CTNND2: variants seen among roughly 807,000 people sequenced by gnomAD.
The protein encoded by CTNND2 is catenin delta 2, also known as catenin delta-2.
In CTNND2, 22 loss-of-function variants were observed where a neutral mutation model predicts 144.4. The observed-to-expected ratio is 0.15, with a 90% CI of 0.11 to 0.22. The LOEUF is 0.22. Among genes scored for constraint, CTNND2 ranks in the 10% least tolerant of loss-of-function variants. The pLI is 1.00. For missense variants in CTNND2, 1,353 were observed against 1,618.8 expected (o/e 0.84, Z 2.82); for synonymous variants, 751 against 695.6 (o/e 1.08, Z -1.25).
intron 18 of CTNND2, among the ~76,000 whole-genome samples, chr5:10,993,966 A>G (rs1020447835): frequency 2.6e-5 from 4 of 152,000 alleles, no homozygotes; most frequent in African/African-American, 7.2e-5. Context: ...ACAAGTGCCA[A>G]TGTAAAGTGG....
At chr5:11,081,982 T>C (rs1026125607) in intron 16 of CTNND2, among the ~76,000 whole-genome samples, 2 of 152,256 alleles carry the variant, frequency 1.3e-5, no homozygotes, top group African/African-American at 2.4e-5. Flanking sequence ...TTTTATGTTA[T>C]GTGGATATCT....
chr5:11,306,428 G>A (rs1453655729), intron 9 of CTNND2, among the ~76,000 whole-genome samples: 2 of 152,156 alleles, frequency 1.3e-5, no homozygotes, highest in African/African-American at 4.8e-5. Context: ...AACATCTTTT[G>A]GGACAACTTA....
At chr5:11,149,367 A>G (rs1235242355) in intron 12 of CTNND2, among the ~76,000 whole-genome samples, 1 of 152,208 alleles carries the variant, frequency 6.6e-6, no homozygotes, top group Admixed American at 6.5e-5. Flanking sequence ...AACCCCGGGA[A>G]GAACAATGGT....
chr5:11,428,949 A>T (rs1763031221), intron 3 of CTNND2, among the ~76,000 whole-genome samples: 1 of 152,228 alleles, frequency 6.6e-6, no homozygotes, highest in African/African-American at 2.4e-5. Flanking sequence ...ATATCATGGC[A>T]AATCCTTTTA....
chr5:11,483,490 G>C lies in CTNND2; in HGVS notation c.288-71421C>G, dbSNP rs553016461. Among the ~76,000 whole-genome samples the C allele has an allele frequency of 6.6e-5, 10 of 152,292 alleles. No homozygotes were observed. In the South Asian group the frequency reaches 2.1e-3, roughly 32 times the overall value. On this transcript the variant is annotated intron_variant, in intron 3 of 21. Transcript: ENST00000304623. ...AACAGATGACATTTAAAGTTAGAGG[G>C]TACCCAACTGGAAGACCTGTTTCAC...
At chr5:11,358,514 AG>A (rs1756131020) in intron 8 of CTNND2, among the ~76,000 whole-genome samples, 1 of 152,246 alleles carries the variant, frequency 6.6e-6, no homozygotes, top group Non-Finnish European at 1.5e-5. Flanking sequence ...TTGCTCCAAT[AG>A]GAAGCACTTG....
chr5:11,232,747 G>C lies in CTNND2; in HGVS notation c.1761+3944C>G, dbSNP rs183086842. On this transcript the variant is annotated intron_variant, in intron 10 of 21. Coordinates refer to ENST00000304623, the MANE Select transcript of CTNND2 (RefSeq NM_001332.4). ...ACTTTGGGGATTGTTGGGAAAGCAT[G>C]ATTGCGTTTTAAAATGTCAGGACAT... Among the ~76,000 whole-genome samples the C allele has an allele frequency of 1.6e-4, 25 of 152,314 alleles. 1 individual carries two copies. The East Asian group carries it at 4.2e-3, about 26-fold the overall frequency.
chr5:11,692,993 G>A (rs1344930008), intron 2 of CTNND2, among the ~76,000 whole-genome samples: 4 of 152,174 alleles, frequency 2.6e-5, no homozygotes, highest in African/African-American at 9.7e-5. Flanking sequence ...AAGAATTTCT[G>A]TATTTCTTCA....
At chr5:11,829,143 G>A (rs1370554944) in intron 1 of CTNND2, among the ~76,000 whole-genome samples, 3 of 152,168 alleles carry the variant, frequency 2.0e-5, no homozygotes, top group Non-Finnish European at 4.4e-5. Flanking sequence ...TACTGTTAAA[G>A]GCATTCAGTT....
chr5:11,028,677 A>G (rs1743118485), intron 16 of CTNND2, among the ~76,000 whole-genome samples: 1 of 152,132 alleles, frequency 6.6e-6, no homozygotes, highest in African/African-American at 2.4e-5. Context: ...CTTAAGGTTC[A>G]TCCATGTTGT....
At chr5:11,201,641 C>G (rs1208817413) in intron 10 of CTNND2, among the ~76,000 whole-genome samples, 1 of 152,092 alleles carries the variant, frequency 6.6e-6, no homozygotes, top group African/African-American at 2.4e-5. Context: ...ATGAATGCAG[C>G]GTTTCACATA....
intron 3 of CTNND2, among the ~76,000 whole-genome samples, chr5:11,443,417 GGTGT>G (rs1283197332): frequency 1.3e-4 from 17 of 131,458 alleles, no homozygotes; most frequent in African/African-American, 4.3e-4. Context: ...GGGGGTGTGT[GGTGT>G]GTGTGTGTGG....
At chr5:11,084,486 T>C (rs908139423) in intron 15 of CTNND2, among the ~76,000 whole-genome samples, 1 of 152,264 alleles carries the variant, frequency 6.6e-6, no homozygotes, top group African/African-American at 2.4e-5. Flanking sequence ...GGAGAGAAGC[T>C]AGAAAAAGGA....
intron 16 of CTNND2, among the ~76,000 whole-genome samples, chr5:11,065,313 T>A (rs1051228489): frequency 2.0e-5 from 3 of 152,270 alleles, no homozygotes; most frequent in African/African-American, 7.2e-5. Context: ...TACTTAGTTA[T>A]GCAATGCTCA....
In CTNND2 at chr5:11,283,454, T is replaced by C. The variant is rs567247977; in HGVS notation, c.1629-46631A>G. Among the ~76,000 whole-genome samples the C allele has an allele frequency of 5.9e-5, 9 of 151,772 alleles. No homozygotes were observed. The East Asian group carries it at 1.8e-3, about 30-fold the overall frequency. On this transcript the variant is annotated intron_variant, in intron 9 of 21. Transcript: ENST00000304623. ...ACTTTGGGAGGCCAAGGCGGGCAGA[T>C]CATGAAGTCAGGAGTTTGAGACCAG...
At chr5:11,346,803 T>A (rs146870382) in intron 8 of CTNND2, among the ~76,000 whole-genome samples, 176 bp from the exon 9 acceptor site, 64 of 152,346 alleles carry the variant, frequency 4.2e-4, no homozygotes, top group African/African-American at 1.4e-3. Context: ...TCCAGTCAAA[T>A]GATAATTAGC....
At chr5:11,370,144 T>C (rs916901737) in intron 7 of CTNND2, among the ~76,000 whole-genome samples, 2 of 151,732 alleles carry the variant, frequency 1.3e-5, no homozygotes, top group African/African-American at 4.8e-5. Flanking sequence ...GAGAACTGCA[T>C]AGCTGAAAAT....
chr5:11,117,454 C>T lies in CTNND2; in HGVS notation c.2273G>A (p.Ser758Asn), dbSNP rs774124035. The change falls in exon 13 of 22, where the codon AGC (serine) becomes AAC (asparagine). Residue 758 changes from serine (S) to asparagine (N), a missense_variant. Physicochemically the swap from Ser to Asn is conservative, Grantham distance 46. Around this residue, in one of 4 missense-constraint regions of CTNND2, gnomAD observed 459 missense variants for 674.3 expected, o/e 0.68. Transcript: ENST00000304623. ...QSALGSSEIDSKTVENCVCIL... is the reference protein window; with the variant it reads ...QSALGSSEIDNKTVENCVCIL... The stretch of plus-strand genomic sequence containing the variant: ...ATCTATGCCAGCACAACCAACCTTG[C>T]TATCGATCTCACTGCTCCCCAGCGC... 6.2e-7 allele frequency: 1 copy of T among 1,613,040 alleles called. No individual in the cohort carries two copies.
intron 1 of CTNND2, among the ~76,000 whole-genome samples, chr5:11,844,626 A>T (rs1312930738): frequency 5.3e-5 from 8 of 152,190 alleles, no homozygotes; most frequent in African/African-American, 1.9e-4. Flanking sequence ...CAGAACTCTA[A>T]TTATAAAACT....
Sources: allele counts gnomAD v4.1 joint callset (sites outside exome capture counted in the v4.1 genomes callset), GRCh38; gene constraint gnomAD v4.1.1; regional missense constraint gnomAD v4.1.1; transcripts MANE v1.5; gene names NCBI Gene and HGNC (gene_info 2026-07-23, HGNC 2026-07-21).